The following FAM83D variants were observed in gnomAD, a reference collection of about 807,000 sequenced individuals.
FAM83D encodes protein FAM83D.
In FAM83D, 26 loss-of-function variants were observed where a neutral mutation model predicts 25.4. The observed-to-expected ratio is 1.02, with a 90% confidence interval of 0.75 to 1.42. FAM83D has a LOEUF of 1.42. Ranked by LOEUF, FAM83D falls within the 40% of genes most tolerant of loss-of-function variation. FAM83D has a pLI of 0.00. For synonymous variants in FAM83D, 310 were observed against 318.5 expected (o/e 0.97, Z 0.28); for missense variants, 740 against 758.1 (o/e 0.98, Z 0.28).
At chr20:38,936,187 C>T (rs1382695909) in intron 1 of FAM83D, among the ~76,000 whole-genome samples, 8 of 152,074 alleles carry the variant, frequency 5.3e-5, no homozygotes, top group African/African-American at 1.7e-4. Flanking sequence ...AAGGGGTGAT[C>T]GGTACGAACT....
Position 38,941,994 on chromosome 20 carries a change from C to G in FAM83D, c.519C>G (p.Ile173Met). The change falls in exon 2 of 4, where the codon ATC (isoleucine) becomes ATG (methionine). Residue 173 changes from isoleucine (I) to methionine (M), a missense_variant. This residue lies in a region of FAM83D where 333 missense variants were observed against 298.6 expected (regional missense o/e 1.12). Coordinates refer to ENST00000619850, the MANE Select transcript of FAM83D (RefSeq NM_030919.3). ...TGGTCATGGACGTGTTCACAGACAT[C>G]GACATCTTCAGAGACCTGCAAGAAA... is the stretch of plus-strand genomic sequence containing the variant. ...IAVVMDVFTD[I>M]DIFRDLQEIC... 1.2e-6 allele frequency: 2 copies of G among 1,614,108 alleles called. No individual in the cohort carries two copies. Among genetic ancestry groups the G allele is most frequent in the Middle Eastern group, 1.7e-4 (1 of 6,036 alleles).
intron 2 of FAM83D, among the ~76,000 whole-genome samples, chr20:38,943,524 G>C (rs1330934432): frequency 6.6e-6 from 1 of 152,082 alleles, no homozygotes; most frequent in East Asian, 1.9e-4. Context: ...ACATGCTGCT[G>C]CTGTTCATTT....
chr20:38,935,743 G>A (rs1035298797), intron 1 of FAM83D, among the ~76,000 whole-genome samples: 1 of 152,198 alleles, frequency 6.6e-6, no homozygotes, highest in Non-Finnish European at 1.5e-5. Context: ...ACCGTGCCGG[G>A]CCTAAATTGT....
chr20:38,926,838 GA>G lies in FAM83D; in HGVS notation c.397del (p.Thr133ArgfsTer30). The G allele has an allele frequency of 6.5e-7, 1 of 1,533,246 alleles. No homozygotes were observed. The highest frequency in any genetic ancestry group is 1.2e-5 in the South Asian group (1 of 83,636). The allele number at this position is 1,533,246 out of a possible 1,614,324, so 95.0% of individuals were successfully genotyped here. ...CCTACCGCGGCGCCACGCGTGTCGA[GA>G]CGCACTTCCAGCCCCGCGGCGCTGG... ...GAYRGATRVE[T>X]HFQPRGAGEG... On this transcript the variant is annotated frameshift_variant, in exon 1 of 4. Coordinates refer to ENST00000619850, the MANE Select transcript of FAM83D (RefSeq NM_030919.3). LOFTEE classifies it high-confidence loss of function.
intron 2 of FAM83D, among the ~76,000 whole-genome samples, chr20:38,943,500 C>G (rs2085712146): frequency 6.6e-6 from 1 of 152,176 alleles, no homozygotes; most frequent in South Asian, 2.1e-4. Context: ...ACCCCAGTGT[C>G]TGTAATCACT....
chr20:38,943,447 A>G (rs2085711968), intron 2 of FAM83D, among the ~76,000 whole-genome samples: 2 of 152,174 alleles, frequency 1.3e-5, no homozygotes, highest in Non-Finnish European at 2.9e-5. Context: ...CACCACTTCA[A>G]AGTAGTGGGC....
At chr20:38,941,549 G>A (rs545033746) in intron 1 of FAM83D, among the ~76,000 whole-genome samples, 37 of 152,326 alleles carry the variant, frequency 2.4e-4, no homozygotes, top group Admixed American at 7.2e-4. Flanking sequence ...AGCCTGGTGG[G>A]GAAAGCAACA....
rs573681061 is a variant in FAM83D, at chr20:38,926,449, C to T, written c.7C>T (p.Leu3=). 2 of 1,598,782 alleles carry T rather than the reference C, an allele frequency of 1.3e-6. No homozygotes were observed. Among genetic ancestry groups the T allele is most frequent in the East Asian group, 2.2e-5 (1 of 44,668 alleles). MA[L]LSEGLDEVPA... ...GTCGAGTCCGAGCGCCGCCATGGCT[C>T]TGCTGTCCGAGGGCCTGGACGAGGT... Residue 3 remains leucine, a synonymous_variant, in exon 1 of 4, where the codon CTG becomes TTG. Transcript: ENST00000619850.
Position 38,952,666 on chromosome 20 carries a change from T to TGTAAA in FAM83D, c.*146_*147insGTAAA. ...TTGTCTTTGAATTCTTTAGGCTGCA[T>TGTAAA]ATTATTTTACATGCTTTGTTTTGTC... On this transcript the variant is annotated 3_prime_UTR_variant, in exon 4 of 4. Coordinates refer to ENST00000619850, the MANE Select transcript of FAM83D (RefSeq NM_030919.3). 1.1e-6 allele frequency: 1 copy of TGTAAA among 922,876 alleles called. No individual in the cohort carries two copies. Among genetic ancestry groups the TGTAAA allele is most frequent in the Non-Finnish European group, 1.6e-6 (1 of 611,536 alleles). The allele number at this position is 922,876 out of a possible 1,614,324, so 57.2% of individuals were successfully genotyped here.
chr20:38,938,410 G>C (rs1601333210), intron 1 of FAM83D, among the ~76,000 whole-genome samples: 1 of 152,136 alleles, frequency 6.6e-6, no homozygotes, highest in African/African-American at 2.4e-5. Context: ...CTGCGTTCTT[G>C]AGGACAGGGA....
chr20:38,927,011 G>A, intron 1 of FAM83D, 86 bp downstream of exon 1: 1 of 1,397,718 alleles, frequency 7.2e-7, no homozygotes. Flanking sequence ...ACGGGCCGGG[G>A]CCACTACCTC....
intron 2 of FAM83D, among the ~76,000 whole-genome samples, chr20:38,946,327 T>C (rs538288022): frequency 2.2e-3 from 332 of 152,274 alleles, no homozygotes; most frequent in Non-Finnish European, 3.5e-3. Flanking sequence ...TGCCATAGTT[T>C]TGTGTTTTAT....
chr20:38,930,920 G>A (rs1198938971), intron 1 of FAM83D, among the ~76,000 whole-genome samples: 1 of 152,178 alleles, frequency 6.6e-6, no homozygotes, highest in Non-Finnish European at 1.5e-5. Context: ...ACAGGCGTGA[G>A]CCACTGCGCC....
intron 1 of FAM83D, among the ~76,000 whole-genome samples, chr20:38,937,551 A>G (rs1156336270): frequency 1.3e-5 from 2 of 152,204 alleles, no homozygotes; most frequent in Non-Finnish European, 2.9e-5. Flanking sequence ...TACTTCAGCT[A>G]TGCAGGGATT....
chr20:38,943,391 C>CCTGTGTTTTAGA (rs2085711727), intron 2 of FAM83D, among the ~76,000 whole-genome samples: 1 of 152,156 alleles, frequency 6.6e-6, no homozygotes, highest in Admixed American at 6.5e-5. Flanking sequence ...GTAAGTGGCA[C>CCTGTGTTTTAGA]CTGTGTTTTA....
chr20:38,926,942 G>T lies in FAM83D; in HGVS notation c.483+17G>T, dbSNP rs962141363. ...GCGCGAGAGGTGAGCGGCCCTCCAG[G>T]GCCCTGGGTCGCACGGGAGACCCCC... On this transcript the variant is annotated intron_variant, in intron 1 of 3. Coordinates refer to ENST00000619850, the MANE Select transcript of FAM83D (RefSeq NM_030919.3). 5.6e-6 allele frequency: 8 copies of T among 1,419,670 alleles called. No homozygotes were observed. The highest frequency in any genetic ancestry group is 6.4e-6 in the Non-Finnish European group (7 of 1,094,596). The allele number at this position is 1,419,670 out of a possible 1,614,324, so 87.9% of individuals were successfully genotyped here.
intron 1 of FAM83D, among the ~76,000 whole-genome samples, chr20:38,931,228 A>G (rs2085657679): frequency 1.3e-5 from 2 of 152,240 alleles, no homozygotes; most frequent in Non-Finnish European, 2.9e-5. Context: ...GAAAATGACA[A>G]TGACTAGACC....
chr20:38,939,473 C>T (rs190885635), intron 1 of FAM83D, among the ~76,000 whole-genome samples: 5 of 152,226 alleles, frequency 3.3e-5, no homozygotes, highest in African/African-American at 1.2e-4. Context: ...CCTCAGCCTT[C>T]CTAGTAGCTG....
chr20:38,931,062 G>T (rs1369089694), intron 1 of FAM83D, among the ~76,000 whole-genome samples: 2 of 152,252 alleles, frequency 1.3e-5, no homozygotes, highest in African/African-American at 4.8e-5. Context: ...GAGCCGCTGT[G>T]CCCGGCCACT....
Sources: allele counts gnomAD v4.1 joint callset (sites outside exome capture counted in the v4.1 genomes callset), GRCh38; gene constraint gnomAD v4.1.1; regional missense constraint gnomAD v4.1.1; transcripts MANE v1.5; gene names NCBI Gene and HGNC (gene_info 2026-07-23, HGNC 2026-07-21).